The following ITPR1 variants were observed in gnomAD, a reference collection of about 807,000 sequenced individuals.
ITPR1 encodes the protein inositol 1,4,5-trisphosphate-gated calcium channel ITPR1.
In ITPR1, 96 loss-of-function variants were observed where a neutral mutation model predicts 318.4. The observed-to-expected ratio is 0.30, with a 90% CI of 0.26 to 0.36. The LOEUF is 0.36. Ranked by LOEUF, ITPR1 falls within the 10% of genes least tolerant of loss-of-function variation. The probability of loss-of-function intolerance (pLI) is 1.00; values close to 1 mark genes in which losing one functional copy is unlikely to be tolerated. For missense variants in ITPR1, 2,440 were observed against 3,460.2 expected, an observed-to-expected ratio of 0.71 and a Z score of 7.40; for synonymous variants, 1,312 against 1,289.9, an observed-to-expected ratio of 1.02 and a Z score of -0.37.
intron 13 of ITPR1, among the ~76,000 whole-genome samples, chr3:4,660,778 A>C (rs994678754): frequency 1.3e-5 from 2 of 152,204 alleles, no homozygotes; most frequent in Non-Finnish European, 1.5e-5. Context: ...TATAACAGTA[A>C]CTGTAGAGTC....
chr3:4,699,934 C>G lies in ITPR1; in HGVS notation c.4529C>G (p.Thr1510Ser). 6.2e-7 allele frequency: 1 copy of G among 1,613,042 alleles called. No individual in the cohort carries two copies. Residue 1510 changes from threonine to serine, a missense_variant, in exon 35 of 62, where the codon ACT becomes AGT. Coordinates refer to ENST00000649015, the MANE Select transcript of ITPR1 (RefSeq NM_001378452.1). ...FSSPFSDQST[T>S]LQTRQPVFVQ... is the part of the protein sequence containing the mutation. ...TCTCCCTTCTCAGACCAGAGTACGA[C>G]TTTGCAGGTAAGAAATAACCAACGT...
At chr3:4,695,633 C>T (rs2094545479) in intron 33 of ITPR1, among the ~76,000 whole-genome samples, 1 of 152,152 alleles carries the variant, frequency 6.6e-6, no homozygotes, top group Non-Finnish European at 1.5e-5. Flanking sequence ...TGTATACATC[C>T]CTCAACAATA....
intron 10 of ITPR1, among the ~76,000 whole-genome samples, chr3:4,647,153 T>C (rs917606641): frequency 1.6e-4 from 25 of 152,112 alleles, no homozygotes; most frequent in Non-Finnish European, 3.7e-4. Context: ...CAGTATACAG[T>C]CTTTATGTTC....
At chr3:4,684,996 G>A (rs2094366311) in intron 29 of ITPR1, 73 bp from the exon 30 acceptor site, 19 of 1,490,788 alleles carry the variant, frequency 1.3e-5, no homozygotes, top group Admixed American at 3.8e-5. Context: ...CTCCCTGCCC[G>A]CCACCACCCT....
At chr3:4,598,057 G>T (rs1375605763) in intron 4 of ITPR1, among the ~76,000 whole-genome samples, 1 of 152,192 alleles carries the variant, frequency 6.6e-6, no homozygotes, top group Non-Finnish European at 1.5e-5. Context: ...CGTCTTATTG[G>T]TTGGCACATG....
intron 61 of ITPR1, among the ~76,000 whole-genome samples, chr3:4,845,575 G>A (rs933098450): frequency 1.3e-5 from 2 of 152,218 alleles, no homozygotes; most frequent in Admixed American, 1.3e-4. Context: ...AATGGTCACA[G>A]CATTATTTAC....
At chr3:4,799,271 G>C (rs1287084408) in intron 53 of ITPR1, among the ~76,000 whole-genome samples, 1 of 152,230 alleles carries the variant, frequency 6.6e-6, no homozygotes, top group Non-Finnish European at 1.5e-5. Flanking sequence ...ATTGTTAAAT[G>C]CGTAGAAAGC....
At position 4,657,895 on chromosome 3, in the gene ITPR1, G is replaced by A. The variant is rs570878586; in HGVS notation, c.997-229G>A. On this transcript the variant is annotated intron_variant, in intron 12 of 61. Transcript: ENST00000649015. ...GCTGGGATTACAGGTGTGAGCCACC[G>A]TGCCCGGCTGGAACATTTTTATTGC... is the stretch of plus-strand genomic sequence containing the variant. Among the ~76,000 whole-genome samples the A allele has an allele frequency of 2.7e-4, 41 of 152,260 alleles. No homozygotes were observed. In the South Asian group the frequency reaches 7.7e-3, roughly 29 times the overall value.
intron 4 of ITPR1, among the ~76,000 whole-genome samples, chr3:4,616,087 A>G (rs936120246): frequency 1.3e-5 from 2 of 152,254 alleles, no homozygotes; most frequent in African/African-American, 2.4e-5. Flanking sequence ...ATTAGCATGC[A>G]GCAGACACAA....
intron 40 of ITPR1, 136 bp from the exon 41 acceptor site, chr3:4,725,410 C>T: frequency 1.4e-6 from 1 of 712,326 alleles, no homozygotes; most frequent in Non-Finnish European, 2.5e-6. Context: ...CCCACTTCGG[C>T]AGGTGATCCA....
At position 4,836,885 on chromosome 3, in the gene ITPR1, A is replaced by C. The variant is rs769804894; in HGVS notation, c.8140A>C (p.Met2714Leu). The C allele has an allele frequency of 1.3e-6, 2 of 1,598,674 alleles. No individual in the cohort carries two copies. Among genetic ancestry groups the C allele is most frequent in the Non-Finnish European group, 1.7e-6 (2 of 1,168,828 alleles). ...CCTGCAGGAGAAGCTGGAGTCCACCATGAAACTTGTCACGAACCTTTCTGG... is the reference window on the plus strand; with the variant it reads ...CCTGCAGGAGAAGCTGGAGTCCACCCTGAAACTTGTCACGAACCTTTCTGG... ...RNLQEKLEST[M>L]KLVTNLSGQL... Residue 2714 changes from methionine (M) to leucine (L), a missense_variant, in exon 61 of 62, where the codon ATG becomes CTG. This residue lies in a region of ITPR1 where 63 missense variants were observed against 63.4 expected (regional missense o/e 0.99). Coordinates refer to ENST00000649015, the MANE Select transcript of ITPR1 (RefSeq NM_001378452.1).
intron 44 of ITPR1, among the ~76,000 whole-genome samples, chr3:4,758,849 G>C (rs2931772): frequency 6.6e-6 from 1 of 152,188 alleles, no homozygotes; most frequent in African/African-American, 2.4e-5. Flanking sequence ...TTCGTTAGCT[G>C]AAAAATGAGG....
At chr3:4,684,052 C>T (rs2094347534) in intron 28 of ITPR1, among the ~76,000 whole-genome samples, 1 of 152,242 alleles carries the variant, frequency 6.6e-6, no homozygotes, top group Non-Finnish European at 1.5e-5. Flanking sequence ...GTTTCCCTTA[C>T]AGACCCACTT....
chr3:4,574,906 G>A (rs937609376), intron 4 of ITPR1, among the ~76,000 whole-genome samples: 13 of 152,196 alleles, frequency 8.5e-5, no homozygotes, highest in African/African-American at 2.7e-4. Flanking sequence ...GTAGCCAGAG[G>A]TCTATCAATT....
intron 5 of ITPR1, among the ~76,000 whole-genome samples, chr3:4,638,055 T>C (rs1447199345): frequency 1.3e-5 from 2 of 152,104 alleles, no homozygotes; most frequent in African/African-American, 4.8e-5. Flanking sequence ...TGAGGCTTGG[T>C]GGGATTCAGT....
chr3:4,697,469 T>TTTTTTTTTTTTTTA (rs1559719610), intron 34 of ITPR1, among the ~76,000 whole-genome samples, 197 bp downstream of exon 34: 1 of 148,998 alleles, frequency 6.7e-6, no homozygotes, highest in African/African-American at 2.5e-5. Context: ...TTTTTTTTTT[T>TTTTTTTTTTTTTTA]GAGCTGGAGT....
At chr3:4,629,998 GC>G (rs1473892168) in intron 5 of ITPR1, among the ~76,000 whole-genome samples, 5 of 152,178 alleles carry the variant, frequency 3.3e-5, no homozygotes, top group South Asian at 2.1e-4. Context: ...CCCAACAAAA[GC>G]ATTGTACCTT....
At chr3:4,508,624 T>G (rs1217318238) in intron 2 of ITPR1, among the ~76,000 whole-genome samples, 3 of 152,176 alleles carry the variant, frequency 2.0e-5, no homozygotes, top group African/African-American at 7.2e-5. Context: ...AAACCTATCT[T>G]GAGCTGCTGC....
intron 18 of ITPR1, among the ~76,000 whole-genome samples, chr3:4,669,165 C>A (rs939267853): frequency 1.3e-5 from 2 of 152,230 alleles, no homozygotes; most frequent in Non-Finnish European, 2.9e-5. Context: ...CTCATTTAAT[C>A]CGCAGGACAG....
Sources: allele counts gnomAD v4.1 joint callset (sites outside exome capture counted in the v4.1 genomes callset), GRCh38; gene constraint gnomAD v4.1.1; regional missense constraint gnomAD v4.1.1; transcripts MANE v1.5; gene names NCBI Gene and HGNC (gene_info 2026-07-23, HGNC 2026-07-21).